Variants in PLCL1 observed in about 807,000 individuals in gnomAD.
PLCL1 encodes the protein inactive phospholipase C-like protein 1.
A neutral mutation model predicts 84.4 loss-of-function variants in PLCL1; 41 were observed. That is an observed-to-expected ratio of 0.49 (90% CI 0.38 to 0.63). The LOEUF (loss-of-function observed/expected upper bound fraction) is 0.63. PLCL1 is among the 30% of genes least tolerant of loss of function. The probability of loss-of-function intolerance (pLI) is 0.00; values close to 1 mark genes in which losing one functional copy is unlikely to be tolerated. For missense variants in PLCL1, 1,206 were observed against 1,367.8 expected, an observed-to-expected ratio of 0.88 and a Z score of 1.87; for synonymous variants, 490 against 488.3, an observed-to-expected ratio of 1.00 and a Z score of -0.05.
intron 1 of PLCL1, among the ~76,000 whole-genome samples, chr2:197,829,945 A>G (rs1691021204): frequency 6.6e-6 from 1 of 152,218 alleles, no homozygotes; most frequent in Non-Finnish European, 1.5e-5. Context: ...TTACTCATTT[A>G]CAAGTATAAA....
At chr2:198,041,893 C>A (rs550544045) in intron 1 of PLCL1, among the ~76,000 whole-genome samples, 1 of 152,188 alleles carries the variant, frequency 6.6e-6, no homozygotes, top group South Asian at 2.1e-4. Flanking sequence ...GACCAGGTGA[C>A]AAAAATCGGT....
At chr2:198,070,408 A>G (rs1269633941) in intron 1 of PLCL1, among the ~76,000 whole-genome samples, 1 of 152,144 alleles carries the variant, frequency 6.6e-6, no homozygotes, top group Non-Finnish European at 1.5e-5. Context: ...TTAAGAGAAG[A>G]TACACATTTT....
intron 1 of PLCL1, among the ~76,000 whole-genome samples, chr2:198,077,843 A>G (rs180991074): frequency 6.6e-6 from 1 of 152,158 alleles, no homozygotes; most frequent in East Asian, 1.9e-4. Context: ...TAATATTTCC[A>G]CTCACTTCTC....
intron 5 of PLCL1, among the ~76,000 whole-genome samples, chr2:198,111,328 G>T (rs1016124791): frequency 3.3e-5 from 5 of 151,826 alleles, no homozygotes; most frequent in African/African-American, 7.3e-5. Context: ...AAAAGCTTCT[G>T]CCCAGTAGAG....
chr2:197,993,632 G>T (rs539843720), intron 1 of PLCL1, among the ~76,000 whole-genome samples: 48 of 152,288 alleles, frequency 3.2e-4, no homozygotes, highest in African/African-American at 1.1e-3. Flanking sequence ...AGAGAGCCTA[G>T]AGAGAGCTAC....
intron 5 of PLCL1, among the ~76,000 whole-genome samples, chr2:198,131,344 A>C (rs964950633): frequency 1.3e-5 from 2 of 152,288 alleles, no homozygotes; most frequent in South Asian, 2.1e-4. Context: ...GTATCCCTGT[A>C]CGTATTCCCA....
At chr2:197,830,039 T>A (rs1291682268) in intron 1 of PLCL1, among the ~76,000 whole-genome samples, 3 of 152,094 alleles carry the variant, frequency 2.0e-5, no homozygotes, top group African/African-American at 7.2e-5. Context: ...GTAAGCCCCA[T>A]TAGTTAAAAA....
At chr2:198,015,110 A>G (rs1690966335) in intron 1 of PLCL1, among the ~76,000 whole-genome samples, 1 of 152,184 alleles carries the variant, frequency 6.6e-6, no homozygotes, top group South Asian at 2.1e-4. Context: ...CCACTCCACT[A>G]GAAACAGGCT....
At chr2:198,119,990 C>G (rs1204096609) in intron 5 of PLCL1, among the ~76,000 whole-genome samples, 3 of 152,076 alleles carry the variant, frequency 2.0e-5, no homozygotes, top group African/African-American at 7.2e-5. Flanking sequence ...CTGTAGATGC[C>G]TGTGTACCAA....
intron 5 of PLCL1, among the ~76,000 whole-genome samples, chr2:198,118,546 A>G (rs150238850): frequency 1.8e-4 from 28 of 152,152 alleles, no homozygotes; most frequent in Admixed American, 6.5e-4. Context: ...AATTAATTAC[A>G]TGAAACTTTA....
At chr2:197,896,082 A>G (rs1688128441) in intron 1 of PLCL1, among the ~76,000 whole-genome samples, 1 of 152,026 alleles carries the variant, frequency 6.6e-6, no homozygotes, top group African/African-American at 2.4e-5. Context: ...ACTTCTTAAC[A>G]AAATTGAACC....
chr2:197,966,553 T>C (rs961037143), intron 1 of PLCL1, among the ~76,000 whole-genome samples: 33 of 152,200 alleles, frequency 2.2e-4, no homozygotes, highest in African/African-American at 7.9e-4. Flanking sequence ...AGTCTAACAA[T>C]CACTGTGCTC....
At chr2:198,071,098 GCACACACACACACACA>G (rs56759346) in intron 1 of PLCL1, 15 of 147,730 alleles carry the variant, frequency 1.0e-4, no homozygotes, top group Admixed American at 6.2e-4. Flanking sequence ...TTTTAAGTAT[GCACACACACACACACA>G]CACACACACA....
Position 197,987,959 on chromosome 2 carries a change from C to T in PLCL1, c.241-95799C>T, listed in dbSNP as rs535834090. Among the ~76,000 whole-genome samples, 3 of 152,228 alleles carry T rather than the reference C, an allele frequency of 2.0e-5. No homozygotes were observed. In the South Asian group the frequency reaches 6.2e-4, roughly 32 times the overall value. On this transcript the variant is annotated intron_variant, in intron 1 of 5. Transcript: ENST00000428675. ...TTTTGAATGAATTTCAGCACTGAGACTGAGTTTCAGTTTTAGAAGCAGAAG... is the reference window on the plus strand; with the variant it reads ...TTTTGAATGAATTTCAGCACTGAGATTGAGTTTCAGTTTTAGAAGCAGAAG...
intron 1 of PLCL1, among the ~76,000 whole-genome samples, chr2:197,969,247 A>AT (rs1689810207): frequency 6.6e-6 from 1 of 152,202 alleles, no homozygotes; most frequent in Non-Finnish European, 1.5e-5. Flanking sequence ...TAAAAGGACA[A>AT]TTTACACAAA....
intron 1 of PLCL1, among the ~76,000 whole-genome samples, chr2:197,911,329 C>T (rs1391757410): frequency 6.6e-6 from 1 of 151,368 alleles, no homozygotes; most frequent in Non-Finnish European, 1.5e-5. Flanking sequence ...AGAGTGTGAC[C>T]CTGTCTCAAA....
intron 1 of PLCL1, among the ~76,000 whole-genome samples, chr2:197,923,258 ACC>A (rs1229801790): frequency 6.3e-5 from 7 of 110,872 alleles, no homozygotes; most frequent in Non-Finnish European, 9.5e-5. Context: ...CGGGGGGCTG[ACC>A]CCCCCCACCT....
chr2:198,014,834 C>T (rs946762059), intron 1 of PLCL1, among the ~76,000 whole-genome samples: 2 of 152,010 alleles, frequency 1.3e-5, no homozygotes, highest in African/African-American at 2.4e-5. Flanking sequence ...AGGGGGTGTA[C>T]AGAAGTGTTC....
chr2:198,100,845 GATA>G (rs1341832714), intron 3 of PLCL1, among the ~76,000 whole-genome samples: 1 of 151,824 alleles, frequency 6.6e-6, no homozygotes. Context: ...AAATGGAGCA[GATA>G]ATATTTTTAA....
Sources: gnomAD v4.1 joint callset for allele counts (sites outside exome capture counted in the v4.1 genomes callset) on GRCh38, gnomAD v4.1.1 for gene constraint, MANE v1.5 for transcripts, NCBI Gene and HGNC (gene_info 2026-07-23, HGNC 2026-07-21) for gene names.